The following RNF180 variants were observed in gnomAD, a reference collection of about 807,000 sequenced individuals.
RNF180 encodes E3 ubiquitin-protein ligase RNF180.
In RNF180, 38 loss-of-function variants were observed where a neutral mutation model predicts 59.2. The ratio of observed to expected loss-of-function variants is 0.64; its 90% confidence interval spans 0.50 to 0.84. The LOEUF is 0.84. Among genes scored for constraint, RNF180 ranks in the 40% least tolerant of loss-of-function variants. RNF180 has a pLI of 0.00. For missense variants in RNF180, 705 were observed against 700.9 expected, an observed-to-expected ratio of 1.01 and a Z score of -0.07; for synonymous variants, 262 against 240.3, an observed-to-expected ratio of 1.09 and a Z score of -0.84.
chr5:64,188,836 T>A (rs529766791), intron 1 of RNF180, among the ~76,000 whole-genome samples: 1 of 152,248 alleles, frequency 6.6e-6, no homozygotes, highest in South Asian at 2.1e-4. Context: ...TAGGTACTGT[T>A]ATGGACTGAA....
At chr5:64,334,908 C>T (rs1210868599) in intron 7 of RNF180, among the ~76,000 whole-genome samples, 2 of 152,154 alleles carry the variant, frequency 1.3e-5, no homozygotes, top group Non-Finnish European at 1.5e-5. Context: ...AGAATAAATG[C>T]CAGGTAGAAA....
chr5:64,240,867 T>C (rs1257496703), intron 5 of RNF180, among the ~76,000 whole-genome samples: 1 of 152,204 alleles, frequency 6.6e-6, no homozygotes, highest in Admixed American at 6.5e-5. Context: ...ACCTTACATC[T>C]ACATTCTTAA....
At chr5:64,296,976 C>T (rs1233718120) in intron 5 of RNF180, among the ~76,000 whole-genome samples, 2 of 151,942 alleles carry the variant, frequency 1.3e-5, no homozygotes, top group Non-Finnish European at 2.9e-5. Context: ...TATAAACTTA[C>T]ACAAAGGAAA....
chr5:64,312,496 G>A (rs1192194032), intron 5 of RNF180, among the ~76,000 whole-genome samples: 1 of 152,056 alleles, frequency 6.6e-6, no homozygotes, highest in African/African-American at 2.4e-5. Context: ...ATAAGAGAAA[G>A]CATCAAACCA....
At chr5:64,333,711 ATAATT>A (rs1392032727) in intron 7 of RNF180, among the ~76,000 whole-genome samples, 1 of 152,228 alleles carries the variant, frequency 6.6e-6, no homozygotes, top group Non-Finnish European at 1.5e-5. Flanking sequence ...TACAGAAGCT[ATAATT>A]TAAAGCAGTT....
chr5:64,172,952 G>A (rs1579920442), intron 1 of RNF180, among the ~76,000 whole-genome samples: 1 of 152,170 alleles, frequency 6.6e-6, no homozygotes, highest in Admixed American at 6.5e-5. Context: ...TAGAATTCAG[G>A]GGACCTGGGA....
chr5:64,258,857 C>T (rs1744149822), intron 5 of RNF180, among the ~76,000 whole-genome samples: 2 of 152,128 alleles, frequency 1.3e-5, no homozygotes, highest in Admixed American at 1.3e-4. Flanking sequence ...GCTTGTGGAA[C>T]ACCATCATTA....
intron 7 of RNF180, among the ~76,000 whole-genome samples, chr5:64,364,660 T>C (rs1047497187): frequency 6.6e-6 from 1 of 151,744 alleles, no homozygotes; most frequent in African/African-American, 2.4e-5. Context: ...ACCAGCATTC[T>C]TTGTATATCT....
At chr5:64,269,775 C>G (rs1485498724) in intron 5 of RNF180, among the ~76,000 whole-genome samples, 1 of 152,046 alleles carries the variant, frequency 6.6e-6, no homozygotes, top group Non-Finnish European at 1.5e-5. Context: ...AATGGAGTAC[C>G]AAACATTTTG....
At chr5:64,167,722 A>G (rs1370126568) in intron 1 of RNF180, among the ~76,000 whole-genome samples, 1 of 152,200 alleles carries the variant, frequency 6.6e-6, no homozygotes, top group African/African-American at 2.4e-5. Flanking sequence ...GAGCATAAAG[A>G]TTAAAAATTT....
At chr5:64,323,462 A>G (rs1047902983) in intron 5 of RNF180, among the ~76,000 whole-genome samples, 4 of 152,086 alleles carry the variant, frequency 2.6e-5, no homozygotes, top group African/African-American at 9.7e-5. Context: ...AATCACTTGA[A>G]CCCAGGAAGC....
rs1017019250 is a variant in RNF180 at position 64,370,277 on chromosome 5, C to A, written c.*463C>A. ...TAAACCATATTCTCTGGGAACTAAT[C>A]TAGCAGGGTATATTCAGTTTTGGTT... On this transcript the variant is annotated 3_prime_UTR_variant, in exon 8 of 8. Transcript: ENST00000389100. The A allele has an allele frequency of 2.0e-5, 3 of 152,214 alleles. No individual in the cohort carries two copies. Among genetic ancestry groups the A allele is most frequent in the Non-Finnish European group, 2.9e-5 (2 of 68,150 alleles). The allele number at this position is 152,214 out of a possible 1,614,324, so 9.4% of individuals were successfully genotyped here.
chr5:64,361,172 G>A (rs1482731020), intron 7 of RNF180, among the ~76,000 whole-genome samples: 1 of 151,234 alleles, frequency 6.6e-6, no homozygotes, highest in Non-Finnish European at 1.5e-5. Context: ...CCAGGTAAAA[G>A]TGTCATAAAA....
intron 5 of RNF180, among the ~76,000 whole-genome samples, chr5:64,320,777 G>A (rs562942505): frequency 5.3e-5 from 8 of 152,186 alleles, no homozygotes; most frequent in Non-Finnish European, 7.4e-5. Context: ...GATGGCTCAC[G>A]CCTGTAATCC....
chr5:64,259,668 A>G lies in RNF180; in HGVS notation c.1227+42272A>G, dbSNP rs1454886109. Among the ~76,000 whole-genome samples, 3 of 152,156 alleles carry G rather than the reference A, an allele frequency of 2.0e-5. No homozygotes were observed. The East Asian group carries it at 5.8e-4, about 29-fold the overall frequency. ...CCAGGCACAGTGGCTCACACCTGTA[A>G]TCCCAGCACTTTGGGAGGCCGAGGT... On this transcript the variant is annotated intron_variant, in intron 5 of 7. Transcript: ENST00000389100.
intron 7 of RNF180, among the ~76,000 whole-genome samples, chr5:64,338,828 C>T (rs1022277009): frequency 6.6e-5 from 10 of 151,968 alleles, no homozygotes; most frequent in Non-Finnish European, 5.9e-5. Flanking sequence ...AATTATCATA[C>T]GGCTTTACTT....
chr5:64,282,736 A>G (rs1050490172), intron 5 of RNF180, among the ~76,000 whole-genome samples: 3 of 152,102 alleles, frequency 2.0e-5, no homozygotes, highest in Admixed American at 1.3e-4. Flanking sequence ...TTATATCTTT[A>G]TCCTCATTTG....
chr5:64,342,962 C>T (rs1187066523), intron 7 of RNF180, among the ~76,000 whole-genome samples: 6 of 152,114 alleles, frequency 3.9e-5, no homozygotes, highest in East Asian at 1.9e-4. Context: ...TCAAACCCAA[C>T]CCTGCTTATT....
intron 5 of RNF180, among the ~76,000 whole-genome samples, chr5:64,259,720 C>T (rs541621161): frequency 6.6e-6 from 1 of 152,174 alleles, no homozygotes; most frequent in Admixed American, 6.5e-5. Flanking sequence ...GTCAGGAGTT[C>T]GAAACCAGCC....
Sources: allele counts gnomAD v4.1 joint callset (sites outside exome capture counted in the v4.1 genomes callset), GRCh38; gene constraint gnomAD v4.1.1; transcripts MANE v1.5; gene names NCBI Gene and HGNC (gene_info 2026-07-23, HGNC 2026-07-21).